Variants in BIK observed in about 807,000 individuals in gnomAD.
BIK encodes BCL2 interacting killer, also known as bcl-2-interacting killer.
BIK carries 14 observed loss-of-function variants against 12.1 expected under a neutral mutation model. The ratio of observed to expected loss-of-function variants is 1.16; its 90% CI spans 0.77 to 1.81. The LOEUF (loss-of-function observed/expected upper bound fraction) is 1.81, where lower values mean the gene tolerates loss of function less well. BIK is among the 40% of genes most tolerant of loss of function. BIK has a pLI of 0.00. For synonymous variants in BIK, 86 were observed against 92.3 expected, an observed-to-expected ratio of 0.93 and a Z score of 0.39; for missense variants, 215 against 207.9, an observed-to-expected ratio of 1.03 and a Z score of -0.21.
chr22:43,128,135 G>T (rs1273049930), intron 3 of BIK, among the ~76,000 whole-genome samples: 1 of 152,072 alleles, frequency 6.6e-6, no homozygotes. Flanking sequence ...GATCCTGGGG[G>T]CTGGGCCTCT....
At chr22:43,116,059 G>T (rs966262702) in intron 1 of BIK, among the ~76,000 whole-genome samples, 2 of 152,074 alleles carry the variant, frequency 1.3e-5, no homozygotes, top group African/African-American at 4.8e-5. Flanking sequence ...CCCCGGCCCA[G>T]AACTTGTTTT....
chr22:43,123,997 T>A lies in BIK; in HGVS notation c.-7-19T>A, dbSNP rs1182385618. On this transcript the variant is annotated intron_variant, in intron 1 of 4. Transcript: ENST00000216115. ...CTCAGTTCTTAGGGGTCCAGTCATATGCTGTCTTTTTGCCCCAGAGGAGAA... is the reference window on the plus strand; with the variant it reads ...CTCAGTTCTTAGGGGTCCAGTCATAAGCTGTCTTTTTGCCCCAGAGGAGAA... 1 of 1,613,426 alleles carries A rather than the reference T, an allele frequency of 6.2e-7. No individual in the cohort carries two copies. The highest frequency in any genetic ancestry group is 8.5e-7 in the Non-Finnish European group (1 of 1,179,670).
intron 2 of BIK, among the ~76,000 whole-genome samples, chr22:43,125,693 G>A (rs141416834): frequency 0.016 from 2,472 of 152,126 alleles, 72 homozygotes; most frequent in African/African-American, 0.057. Context: ...CTGCACTCCA[G>A]CCTGGGTAAC....
intron 3 of BIK, 111 bp downstream of exon 3, chr22:43,127,906 T>A (rs1384754324): frequency 3.0e-6 from 3 of 1,004,278 alleles, no homozygotes; most frequent in African/African-American, 5.5e-5. Flanking sequence ...GTGGGGGATG[T>A]GCCTTGACAC....
intron 2 of BIK, 55 bp downstream of exon 2, chr22:43,124,238 C>G: frequency 1.6e-5 from 26 of 1,590,122 alleles, no homozygotes; most frequent in Non-Finnish European, 2.2e-5. Context: ...CAGGGGTGGG[C>G]TGGATGAGCA....
intron 1 of BIK, among the ~76,000 whole-genome samples, chr22:43,111,511 G>T (rs1930011013): frequency 6.6e-6 from 1 of 152,092 alleles, no homozygotes. Context: ...GGTGACCCGC[G>T]AGGGGGCCCC....
At chr22:43,124,574 G>A (rs1043630049) in intron 2 of BIK, among the ~76,000 whole-genome samples, 28 of 152,214 alleles carry the variant, frequency 1.8e-4, no homozygotes, top group Non-Finnish European at 3.8e-4. Context: ...CAGATCCCAA[G>A]AGAGGGTTCT....
rs370394934 is a variant in BIK at position 43,128,599 on chromosome 22, T to C, written c.364T>C (p.Trp122Arg). The C allele has an allele frequency of 8.1e-6, 13 of 1,612,846 alleles. No individual in the cohort carries two copies. Among genetic ancestry groups the C allele is most frequent in the Non-Finnish European group, 1.1e-5 (13 of 1,179,228 alleles). ...ACTTAAGGAGAACATAATGAGGTTCTGGAGATCCCCGAACCCCGGGTCCTG... is the reference window on the plus strand; with the variant it reads ...ACTTAAGGAGAACATAATGAGGTTCCGGAGATCCCCGAACCCCGGGTCCTG... ...TTLKENIMRFWRSPNPGSWVS... is the reference protein window; with the variant it reads ...TTLKENIMRFRRSPNPGSWVS... Residue 122 changes from tryptophan (W) to arginine (R), a missense_variant, in exon 4 of 5, where the codon TGG (tryptophan) becomes CGG (arginine). Physicochemically the swap from Trp to Arg is moderately radical, Grantham distance 101. Transcript: ENST00000216115.
intron 4 of BIK, 114 bp downstream of exon 4, chr22:43,128,739 T>A: frequency 7.1e-7 from 1 of 1,413,104 alleles, no homozygotes; most frequent in South Asian, 1.4e-5. Context: ...CTGTGTCACC[T>A]GTGTCCACAT....
In BIK at chr22:43,120,847, T is replaced by C. The variant is rs2147021891; in HGVS notation, c.-7-3169T>C. ...GGCCTGGGCCCAGAGGCCAGATGGT[T>C]AAAGGTTCAGATTAGGTCCCTTCTT... On this transcript the variant is annotated intron_variant, in intron 1 of 4. Coordinates refer to ENST00000216115, the MANE Select transcript of BIK (RefSeq NM_001197.5). Among the ~76,000 whole-genome samples the C allele has an allele frequency of 2.6e-5, 4 of 152,348 alleles. No homozygotes were observed. In the Middle Eastern group the frequency reaches 0.01, roughly 389 times the overall value.
Position 43,127,772 on chromosome 22 carries a change from G to C in BIK, c.237G>C (p.Gln79His). 3 of 1,552,350 alleles carry C rather than the reference G, an allele frequency of 1.9e-6. No homozygotes were observed. The highest frequency in any genetic ancestry group is 2.6e-6 in the Non-Finnish European group (3 of 1,147,912). Residue 79 changes from glutamine (Q) to histidine (H), a missense_variant, in exon 3 of 5, where the codon CAG becomes CAC. Transcript: ENST00000216115. ...DVSLRAPRLA[Q>H]LSEVAMHSLG... The stretch of plus-strand genomic sequence containing the variant: ...GCCTCAGGGCCCCGCGCCTGGCCCA[G>C]CTCTCCGAGGTGGCCATGCACAGGT...
At chr22:43,117,512 G>T (rs780781849) in intron 1 of BIK, among the ~76,000 whole-genome samples, 2 of 147,774 alleles carry the variant, frequency 1.4e-5, no homozygotes, top group Non-Finnish European at 3.0e-5. Flanking sequence ...GGGACTACAG[G>T]CGCCCGCCAC....
chr22:43,127,621 C>T (rs554640835), intron 2 of BIK, 76 bp from the exon 3 acceptor site: 276 of 1,328,948 alleles, frequency 2.1e-4, no homozygotes, highest in South Asian at 6.5e-4. Context: ...GCACACAATC[C>T]GTTGGCTGGG....
chr22:43,125,041 T>C (rs4988422), intron 2 of BIK, among the ~76,000 whole-genome samples: 2,483 of 152,298 alleles, frequency 0.016, 73 homozygotes, highest in African/African-American at 0.057. Context: ...GAACCGAGAA[T>C]TCCTCCTCCT....
intron 1 of BIK, among the ~76,000 whole-genome samples, chr22:43,119,152 T>C (rs990384575): frequency 6.6e-6 from 1 of 151,486 alleles, no homozygotes; most frequent in African/African-American, 2.4e-5. Flanking sequence ...TAGGGTAAAA[T>C]AGGGCTTCTG....
intron 1 of BIK, among the ~76,000 whole-genome samples, chr22:43,117,437 C>T (rs1273802001): frequency 3.3e-5 from 5 of 149,526 alleles, no homozygotes; most frequent in African/African-American, 7.4e-5. Flanking sequence ...GGCATGATCT[C>T]GGCTTACTGA....
intron 1 of BIK, among the ~76,000 whole-genome samples, chr22:43,113,303 T>C (rs1930045995): frequency 6.6e-6 from 1 of 152,222 alleles, no homozygotes; most frequent in African/African-American, 2.4e-5. Flanking sequence ...ATGTTAGTTA[T>C]TGTAAGTTTG....
At chr22:43,126,439 C>T (rs577999133) in intron 2 of BIK, among the ~76,000 whole-genome samples, 68 of 152,096 alleles carry the variant, frequency 4.5e-4, no homozygotes, top group African/African-American at 1.6e-3. Context: ...CCTGCCTCGG[C>T]CTCCCAAAAA....
At chr22:43,118,991 T>C (rs1432900253) in intron 1 of BIK, among the ~76,000 whole-genome samples, 1 of 151,978 alleles carries the variant, frequency 6.6e-6, no homozygotes, top group Non-Finnish European at 1.5e-5. Flanking sequence ...AGATGAGCCA[T>C]AGGCGAGCTG....
Sources: allele counts gnomAD v4.1 joint callset (sites outside exome capture counted in the v4.1 genomes callset), GRCh38; gene constraint gnomAD v4.1.1; transcripts MANE v1.5; gene names NCBI Gene and HGNC (gene_info 2026-07-23, HGNC 2026-07-21).